The following PRKN variants were observed in gnomAD, a reference collection of about 807,000 sequenced individuals.
PRKN encodes the protein E3 ubiquitin-protein ligase parkin.
PRKN carries 56 observed loss-of-function variants against 59.5 expected under a neutral mutation model. The observed-to-expected ratio is 0.94, with a 90% CI of 0.76 to 1.18. The LOEUF is 1.18. Ranked by LOEUF, PRKN falls within the 50% of genes most tolerant of loss-of-function variation. PRKN has a pLI of 0.00. For synonymous variants in PRKN, 250 were observed against 222.1 expected (o/e 1.13, Z -1.12); for missense variants, 657 against 596.4 (o/e 1.10, Z -1.06).
rs145367840 is a variant in PRKN at position 161,861,498 on chromosome 6, T to C, written c.735-75590A>G. Among the ~76,000 whole-genome samples, 115 of 151,954 alleles carry C rather than the reference T, an allele frequency of 7.6e-4. No individual in the cohort carries two copies. In the East Asian group the frequency reaches 0.021, roughly 28 times the overall value. ...CATGTGGGGCTTATAACCTAGATGA[T>C]GGGTTGAGGGGTGCAGCAAACCACC... On this transcript the variant is annotated intron_variant, in intron 6 of 11. Coordinates refer to ENST00000366898, the MANE Select transcript of PRKN (RefSeq NM_004562.3).
At chr6:162,600,612 C>T (rs59393142) in intron 1 of PRKN, among the ~76,000 whole-genome samples, 3,128 of 152,076 alleles carry the variant, frequency 0.021, 107 homozygotes, top group African/African-American at 0.07. Context: ...AAATGTAATC[C>T]CCAATTTTGG....
intron 2 of PRKN, among the ~76,000 whole-genome samples, chr6:162,374,911 T>A (rs931599315): frequency 6.6e-6 from 1 of 152,164 alleles, no homozygotes; most frequent in African/African-American, 2.4e-5. Context: ...GTATTTGTTT[T>A]AGCCAAGTAG....
chr6:162,042,398 C>T (rs1003452935), intron 5 of PRKN, among the ~76,000 whole-genome samples: 6 of 151,992 alleles, frequency 3.9e-5, no homozygotes, highest in Non-Finnish European at 5.9e-5. Context: ...CTAAAGCAAT[C>T]CTCCCACCTC....
rs1254409405 is a variant in PRKN, at chr6:162,301,781, G to A, written c.172-39016C>T. 3.3e-4 allele frequency among the ~76,000 whole-genome samples: 20 copies of A among 60,362 alleles called. 1 individual carries two copies. In the East Asian group the frequency reaches 4.1e-3, roughly 13 times the overall value. 39.6% of individuals were successfully genotyped at this position (60,362 alleles called of 152,430 possible). A position where few individuals can be genotyped will look rare whatever the true frequency, so the allele number is the denominator to read the frequency against. On this transcript the variant is annotated intron_variant, in intron 2 of 11. Transcript: ENST00000366898. ...AAACTTCAGCAAATAAATTGGCCGG[G>A]GCGGGGGGGGGGTGCAGAATTCACT...
chr6:162,341,632 T>C (rs1188366256), intron 2 of PRKN, among the ~76,000 whole-genome samples: 4 of 152,156 alleles, frequency 2.6e-5, no homozygotes, highest in East Asian at 1.9e-4. Flanking sequence ...GTGGAAACCA[T>C]CATTCTCAGC....
chr6:162,638,520 G>GC (rs1777833406), intron 1 of PRKN, among the ~76,000 whole-genome samples: 2 of 152,036 alleles, frequency 1.3e-5, no homozygotes, highest in Admixed American at 6.6e-5. Context: ...TGCATCTATT[G>GC]TTTTTCCCAA....
Position 161,354,071 on chromosome 6 carries a change from G to A in PRKN, c.1286-3860C>T, listed in dbSNP as rs1784663422. ...AATCTGGGATACTAGCATTGTAAAT[G>A]ATATCTTGGTACAGAAGCTAGAATT... is the stretch of plus-strand genomic sequence containing the variant. On this transcript the variant is annotated intron_variant, in intron 11 of 11. Coordinates refer to ENST00000366898, the MANE Select transcript of PRKN (RefSeq NM_004562.3). This position sits in a 1 kb window ranked among gnomAD's most constrained non-coding sequence, Gnocchi z 6.7. Among the ~76,000 whole-genome samples the A allele has an allele frequency of 1.3e-5, 2 of 152,198 alleles. No individual in the cohort carries two copies. The highest frequency in any genetic ancestry group is 1.3e-4 in the Admixed American group (2 of 15,272).
At chr6:162,163,212 G>C (rs2128317313) in intron 4 of PRKN, among the ~76,000 whole-genome samples, 1 of 149,062 alleles carries the variant, frequency 6.7e-6, no homozygotes, top group South Asian at 2.1e-4. Flanking sequence ...GTATAGAATA[G>C]GTTATCAATT....
In PRKN at chr6:161,396,589, C is replaced by CAT. The variant is rs1786769139; in HGVS notation, c.1084-9714_1084-9713dup. Among the ~76,000 whole-genome samples, 1 of 152,168 alleles carries CAT rather than the reference C, an allele frequency of 6.6e-6. No homozygotes were observed. The highest frequency in any genetic ancestry group is 2.4e-5 in the African/African-American group (1 of 41,420). On this transcript the variant is annotated intron_variant, in intron 9 of 11. Coordinates refer to ENST00000366898, the MANE Select transcript of PRKN (RefSeq NM_004562.3). The surrounding 1 kb of genome is among the most constrained non-coding windows in gnomAD (Gnocchi z 5.4). ...GGCCATTCATTAGTAAAACGCACAGCATATGTCTTCTATAATTTTTAACTG... is the reference window on the plus strand; with the variant it reads ...GGCCATTCATTAGTAAAACGCACAGCATATATGTCTTCTATAATTTTTAACTG...
In PRKN at chr6:161,741,929, GA is replaced by G. The variant is rs555391769; in HGVS notation, c.871+43842del. ...TCTCATGGTAGTGAATAAGTCTCAT[GA>G]GATCTGATGGGATTTATTTATTTAT... On this transcript the variant is annotated intron_variant, in intron 7 of 11. Coordinates refer to ENST00000366898, the MANE Select transcript of PRKN (RefSeq NM_004562.3). 3.6e-4 allele frequency among the ~76,000 whole-genome samples: 54 copies of G among 149,662 alleles called. 2 individuals carry two copies. In the South Asian group the frequency reaches 0.011, roughly 31 times the overall value.
chr6:162,223,977 G>A (rs1024844244), intron 3 of PRKN, among the ~76,000 whole-genome samples: 2 of 152,142 alleles, frequency 1.3e-5, no homozygotes, highest in East Asian at 3.9e-4. Context: ...TGTTCGTGGT[G>A]TGGTGTCAGC....
At chr6:161,840,251 G>C (rs1213601906) in intron 6 of PRKN, among the ~76,000 whole-genome samples, 2 of 152,216 alleles carry the variant, frequency 1.3e-5, no homozygotes, top group African/African-American at 4.8e-5. Flanking sequence ...TCTGCAGATG[G>C]CATCTGGGGC....
chr6:162,664,508 C>T (rs1229100646), intron 1 of PRKN, among the ~76,000 whole-genome samples: 2 of 152,170 alleles, frequency 1.3e-5, no homozygotes, highest in East Asian at 3.9e-4. Context: ...ACATTCCTAC[C>T]ACCAGTGTAA....
intron 1 of PRKN, among the ~76,000 whole-genome samples, chr6:162,476,182 C>T (rs1054626839): frequency 3.3e-5 from 5 of 152,054 alleles, no homozygotes; most frequent in East Asian, 1.9e-4. Context: ...CTCAGCCTCC[C>T]GAGTAGCTGG....
At chr6:162,725,362 C>G (rs1779105188) in intron 1 of PRKN, among the ~76,000 whole-genome samples, 1 of 152,168 alleles carries the variant, frequency 6.6e-6, no homozygotes, top group South Asian at 2.1e-4. Context: ...AAACACAAAA[C>G]CCATCACTCC....
chr6:161,781,204 T>G (rs561368752), intron 7 of PRKN, among the ~76,000 whole-genome samples: 1 of 152,314 alleles, frequency 6.6e-6, no homozygotes, highest in African/African-American at 2.4e-5. Flanking sequence ...TTGTAGTTAT[T>G]AAACATTAAG....
At chr6:162,287,233 T>G (rs929543002) in intron 2 of PRKN, among the ~76,000 whole-genome samples, 2 of 152,124 alleles carry the variant, frequency 1.3e-5, no homozygotes, top group Admixed American at 6.5e-5. Flanking sequence ...ACAATTCTGA[T>G]TTGTCTGTGA....
At chr6:161,706,441 C>T (rs1426703878) in intron 7 of PRKN, among the ~76,000 whole-genome samples, 2 of 152,216 alleles carry the variant, frequency 1.3e-5, no homozygotes, top group Non-Finnish European at 2.9e-5. Context: ...GACACACTGT[C>T]AAGCTTTGCT....
At chr6:162,517,636 G>A (rs539508544) in intron 1 of PRKN, among the ~76,000 whole-genome samples, 34 of 151,960 alleles carry the variant, frequency 2.2e-4, no homozygotes, top group African/African-American at 7.7e-4. Context: ...AGATCATTGC[G>A]TCCTTGATAA....
Sources: gnomAD v4.1 joint callset for allele counts (sites outside exome capture counted in the v4.1 genomes callset) on GRCh38, gnomAD v4.1.1 for gene constraint, Gnocchi (gnomAD v3.1) non-coding constraint, MANE v1.5 for transcripts, NCBI Gene and HGNC (gene_info 2026-07-23, HGNC 2026-07-21) for gene names.